Variants in ANKRD30A observed in about 807,000 individuals in gnomAD.
The protein encoded by ANKRD30A is ankyrin repeat domain-containing protein 30A.
ANKRD30A carries 170 observed loss-of-function variants against 166.3 expected under a neutral mutation model. The observed-to-expected ratio is 1.02, with a 90% CI of 0.90 to 1.16. ANKRD30A has a LOEUF of 1.16. ANKRD30A is among the 50% of genes most tolerant of loss of function. The pLI is 0.00. For synonymous variants in ANKRD30A, 564 were observed against 508.9 expected (o/e 1.11, Z -1.46); for missense variants, 1,630 against 1,518.0 (o/e 1.07, Z -1.23).
chr10:37,205,342 C>T (rs901498029), intron 31 of ANKRD30A, among the ~76,000 whole-genome samples: 5 of 151,450 alleles, frequency 3.3e-5, no homozygotes, highest in African/African-American at 7.3e-5. Flanking sequence ...AGCAAACTAT[C>T]GCAAGGACAG....
At chr10:37,158,684 A>G (rs1357260821) in intron 15 of ANKRD30A, 98 bp downstream of exon 15, 12 of 1,507,470 alleles carry the variant, frequency 8.0e-6, no homozygotes, top group Non-Finnish European at 1.1e-5. Flanking sequence ...TTCTATTCAA[A>G]ATTTGATGGG....
intron 4 of ANKRD30A, 60 bp downstream of exon 4, chr10:37,132,406 C>G: frequency 5.4e-6 from 5 of 932,580 alleles, no homozygotes; most frequent in South Asian, 2.2e-5. Context: ...TAATAACACT[C>G]AAGTCAGAAA....
chr10:37,191,748 C>A (rs1473837953), intron 25 of ANKRD30A, among the ~76,000 whole-genome samples: 1 of 151,946 alleles, frequency 6.6e-6, no homozygotes, highest in Non-Finnish European at 1.5e-5. Flanking sequence ...GTAATCCCAG[C>A]ACTTTGGGAG....
chr10:37,149,694 T>C lies in ANKRD30A; in HGVS notation c.1572+15T>C, dbSNP rs202049333. On this transcript the variant is annotated intron_variant, in intron 10 of 35. Transcript: ENST00000361713. Reference sequence around the variant, plus strand: ...CTGCCTTCAAGGTATTTAGTTTTATTATTTCATTTTGAATGACTTATTAAT... The same window carrying C: ...CTGCCTTCAAGGTATTTAGTTTTATCATTTCATTTTGAATGACTTATTAAT... 2 of 1,612,328 alleles carry C rather than the reference T, an allele frequency of 1.2e-6. No individual in the cohort carries two copies. Among genetic ancestry groups the C allele is most frequent in the Admixed American group, 3.3e-5 (2 of 59,944 alleles).
chr10:37,221,513 G>A (rs1403847120), intron 34 of ANKRD30A, among the ~76,000 whole-genome samples: 2 of 151,188 alleles, frequency 1.3e-5, no homozygotes, highest in African/African-American at 4.8e-5. Context: ...TGAATCTATA[G>A]CTGGTTAAAT....
chr10:37,166,022 G>A (rs192200900), intron 18 of ANKRD30A, among the ~76,000 whole-genome samples: 49 of 152,074 alleles, frequency 3.2e-4, no homozygotes, highest in Admixed American at 4.6e-4. Context: ...TTCTATTCAA[G>A]CACTTTTTCT....
intron 1 of ANKRD30A, among the ~76,000 whole-genome samples, chr10:37,129,545 T>C (rs1836251556): frequency 6.6e-6 from 1 of 152,304 alleles, no homozygotes; most frequent in Middle Eastern, 3.4e-3. Flanking sequence ...GGCATCATAG[T>C]GATAACCTGT....
chr10:37,127,309 T>C (rs1047835786), intron 1 of ANKRD30A, among the ~76,000 whole-genome samples: 1 of 152,040 alleles, frequency 6.6e-6, no homozygotes, highest in African/African-American at 2.4e-5. Flanking sequence ...TTAAAAGTTT[T>C]TAATGTACAA....
At chr10:37,224,345 CTT>C (rs1843032684) in intron 34 of ANKRD30A, among the ~76,000 whole-genome samples, 1 of 150,576 alleles carries the variant, frequency 6.6e-6, no homozygotes, top group South Asian at 2.1e-4. Context: ...CTTTTAGTCT[CTT>C]TGATTTTTTT....
chr10:37,216,448 T>A, intron 32 of ANKRD30A, 54 bp downstream of exon 32: 1 of 1,478,604 alleles, frequency 6.8e-7, no homozygotes, highest in Non-Finnish European at 9.1e-7. Flanking sequence ...TAAAACTACG[T>A]AGGATACTTT....
intron 24 of ANKRD30A, among the ~76,000 whole-genome samples, chr10:37,179,013 AATATATATATATAT>A (rs139390228): frequency 0.024 from 2,771 of 116,910 alleles, 21 homozygotes; most frequent in African/African-American, 0.065. Flanking sequence ...TGAGGCGTCA[AATATATATATATAT>A]ATATATATAT....
chr10:37,159,819 C>T lies in ANKRD30A; in HGVS notation c.1900+1233C>T, dbSNP rs796265208. ...ACGCCATTCTCCTGCCTCAGCCTCC[C>T]GAGTAGCTGGGACTCCAGGCGCCTG... On this transcript the variant is annotated intron_variant, in intron 15 of 35. Coordinates refer to ENST00000361713, the MANE Select transcript of ANKRD30A (RefSeq NM_052997.3). 1.5e-3 allele frequency among the ~76,000 whole-genome samples: 233 copies of T among 152,154 alleles called. 1 individual carries two copies. The highest frequency in any genetic ancestry group is 5.2e-3 in the African/African-American group (216 of 41,528).
intron 31 of ANKRD30A, among the ~76,000 whole-genome samples, chr10:37,212,228 GACAA>G (rs879310896): frequency 1.4e-4 from 21 of 152,108 alleles, no homozygotes; most frequent in South Asian, 8.3e-4. Flanking sequence ...ACCAATAACA[GACAA>G]ACAGACAGCC....
downstream of ANKRD30A, among the ~76,000 whole-genome samples, chr10:37,236,983 G>C (rs553855413): frequency 1.8e-4 from 28 of 152,234 alleles, no homozygotes; most frequent in African/African-American, 6.5e-4. Flanking sequence ...CTGATGTTAT[G>C]ATATTAGTTT....
At chr10:37,197,909 G>T (rs183877495) in intron 29 of ANKRD30A, among the ~76,000 whole-genome samples, 2 of 152,048 alleles carry the variant, frequency 1.3e-5, no homozygotes, top group Non-Finnish European at 2.9e-5. Flanking sequence ...GTCACTTTGA[G>T]AATCCTAAGA....
At chr10:37,150,866 T>C (rs1837884470) in intron 11 of ANKRD30A, among the ~76,000 whole-genome samples, 1 of 152,126 alleles carries the variant, frequency 6.6e-6, no homozygotes, top group Admixed American at 6.6e-5. Flanking sequence ...ATATTTAAAG[T>C]ATTTCCTTGT....
At chr10:37,160,616 T>TA (rs1476242010) in intron 15 of ANKRD30A, among the ~76,000 whole-genome samples, 1 of 152,110 alleles carries the variant, frequency 6.6e-6, no homozygotes, top group Non-Finnish European at 1.5e-5. Context: ...CTCTTTTTTT[T>TA]AAAAAAATAT....
intron 15 of ANKRD30A, 43 bp from the exon 16 acceptor site, chr10:37,162,606 C>A (rs1035759812): frequency 1.2e-6 from 2 of 1,610,416 alleles, no homozygotes; most frequent in Admixed American, 1.7e-5. Context: ...GTTGGCTTGT[C>A]ATATTTACAT....
chr10:37,200,446 A>G (rs1188631248), intron 30 of ANKRD30A, among the ~76,000 whole-genome samples: 1 of 152,048 alleles, frequency 6.6e-6, no homozygotes, highest in Non-Finnish European at 1.5e-5. Context: ...AATAATAGTG[A>G]TGTATTTTAA....
Sources: allele counts gnomAD v4.1 joint callset (sites outside exome capture counted in the v4.1 genomes callset), GRCh38; gene constraint gnomAD v4.1.1; transcripts MANE v1.5; gene names NCBI Gene and HGNC (gene_info 2026-07-23, HGNC 2026-07-21).